Variants in ADCY8 observed in about 807,000 individuals in gnomAD.
ADCY8 encodes the protein adenylate cyclase type 8.
Under a neutral mutation model 119.7 loss-of-function variants are expected in ADCY8, and 51 were observed. That is an observed-to-expected ratio of 0.43 (90% CI 0.34 to 0.54). The LOEUF (loss-of-function observed/expected upper bound fraction) is 0.54, where lower values mean the gene tolerates loss of function less well. Among genes scored for constraint, ADCY8 ranks in the 20% least tolerant of loss-of-function variants. ADCY8 has a pLI of 0.03. For missense variants in ADCY8, 1,383 were observed against 1,598.8 expected (o/e 0.87, Z 2.30); for synonymous variants, 665 against 651.0 (o/e 1.02, Z -0.33).
intron 2 of ADCY8, among the ~76,000 whole-genome samples, chr8:130,956,060 G>A (rs958131001): frequency 2.6e-5 from 4 of 152,182 alleles, no homozygotes; most frequent in East Asian, 3.9e-4. Flanking sequence ...TGGGAGGATC[G>A]TTTGAACCAG....
intron 14 of ADCY8, among the ~76,000 whole-genome samples, chr8:130,806,137 A>T (rs1279285534): frequency 2.0e-5 from 3 of 151,996 alleles, no homozygotes; most frequent in Non-Finnish European, 4.4e-5. Flanking sequence ...TGGGCACATG[A>T]CTCTGGGCAA....
chr8:130,838,753 C>G (rs1817062180), intron 11 of ADCY8, among the ~76,000 whole-genome samples: 1 of 141,522 alleles, frequency 7.1e-6, no homozygotes, highest in African/African-American at 2.4e-5. Context: ...AGACATGGTG[C>G]TAGGCACTGG....
At chr8:130,962,712 T>A (rs1367737867) in intron 2 of ADCY8, among the ~76,000 whole-genome samples, 1 of 152,198 alleles carries the variant, frequency 6.6e-6, no homozygotes, top group Admixed American at 6.5e-5. Context: ...CAGACAGCAC[T>A]TTTGGGCTTA....
At chr8:130,847,631 T>C (rs1240178979) in intron 10 of ADCY8, 118 bp from the exon 11 acceptor site, 5 of 760,142 alleles carry the variant, frequency 6.6e-6, no homozygotes, top group Admixed American at 2.6e-5. Flanking sequence ...AGCACGAGCC[T>C]GGGTAGACTG....
At chr8:130,782,321 T>G (rs1254089965) in intron 17 of ADCY8, among the ~76,000 whole-genome samples, 1 of 152,204 alleles carries the variant, frequency 6.6e-6, no homozygotes, top group Non-Finnish European at 1.5e-5. Context: ...TCCCATTTGA[T>G]TCTCATATTA....
At chr8:130,838,745 A>T (rs1300279405) in intron 11 of ADCY8, among the ~76,000 whole-genome samples, 2 of 141,722 alleles carry the variant, frequency 1.4e-5, no homozygotes, top group Non-Finnish European at 3.2e-5. Context: ...TACAATCAAG[A>T]CATGGTGCTA....
chr8:130,814,105 C>T lies in ADCY8; in HGVS notation c.2877G>A (p.Val959=). The change falls in exon 14 of 18, where the codon GTG becomes GTA. Residue 959 remains valine (V), a synonymous_variant. Coordinates refer to ENST00000286355, the MANE Select transcript of ADCY8 (RefSeq NM_001115.3). The part of the protein sequence containing the change: ...NMLRNILPSH[V]ARHFLEKDRD... ...GGTCCTTCTCTAGGAAATGGCGGGCCACATGGCTGGGTAAGATATTCCGGA... is the reference window on the plus strand; with the variant it reads ...GGTCCTTCTCTAGGAAATGGCGGGCTACATGGCTGGGTAAGATATTCCGGA... 1 of 1,614,168 alleles carries T rather than the reference C, an allele frequency of 6.2e-7. No homozygotes were observed. Among genetic ancestry groups the T allele is most frequent in the Non-Finnish European group, 8.5e-7 (1 of 1,180,034 alleles).
chr8:131,006,410 G>A (rs781673861), intron 1 of ADCY8, among the ~76,000 whole-genome samples: 19 of 152,128 alleles, frequency 1.2e-4, no homozygotes, highest in Non-Finnish European at 2.5e-4. Flanking sequence ...TGTGGCTCAA[G>A]GGAAAAAATC....
intron 9 of ADCY8, among the ~76,000 whole-genome samples, chr8:130,867,376 T>A (rs1818164420): frequency 6.6e-6 from 1 of 152,288 alleles, no homozygotes; most frequent in South Asian, 2.1e-4. Flanking sequence ...GGCACCTACC[T>A]CATAAGGTTG....
rs1227644122 is a variant in ADCY8, at chr8:130,849,793, T to C, written c.2221A>G (p.Met741Val). Reference protein sequence around the residue: ...SLLPSSRVMPMTIQFSILIML... With the variant: ...SLLPSSRVMPVTIQFSILIML... ...ATCAGAATGGAGAACTGGATGGTCATTGGCATCACTCTGCAGGGAAACACA... is the reference window on the plus strand; with the variant it reads ...ATCAGAATGGAGAACTGGATGGTCACTGGCATCACTCTGCAGGGAAACACA... The change falls in exon 10 of 18, where the codon ATG becomes GTG. Residue 741 changes from methionine (M) to valine (V), a missense_variant. Physicochemically the swap from Met to Val is conservative, Grantham distance 21 (BLOSUM62 1). Coordinates refer to ENST00000286355, the MANE Select transcript of ADCY8 (RefSeq NM_001115.3). The C allele has an allele frequency of 6.2e-7, 1 of 1,612,530 alleles. No homozygotes were observed.
At chr8:130,825,198 C>A (rs1051892410) in intron 12 of ADCY8, among the ~76,000 whole-genome samples, 3 of 152,162 alleles carry the variant, frequency 2.0e-5, no homozygotes, top group South Asian at 2.1e-4. Flanking sequence ...TGGGAACACT[C>A]AAAATCCTCT....
intron 2 of ADCY8, among the ~76,000 whole-genome samples, chr8:130,971,800 T>A (rs7461026): frequency 6.6e-6 from 1 of 151,996 alleles, no homozygotes; most frequent in Non-Finnish European, 1.5e-5. Flanking sequence ...AGTGAAGCAA[T>A]GATGATATGA....
intron 1 of ADCY8, among the ~76,000 whole-genome samples, chr8:131,032,942 T>C (rs1464739128): frequency 6.6e-6 from 1 of 152,210 alleles, no homozygotes; most frequent in African/African-American, 2.4e-5. Context: ...GGTTCAAACC[T>C]ATGTATCACA....
chr8:130,997,127 G>A (rs967976626), intron 1 of ADCY8, among the ~76,000 whole-genome samples: 20 of 152,058 alleles, frequency 1.3e-4, no homozygotes, highest in African/African-American at 4.8e-4. Flanking sequence ...AATGACATTA[G>A]CAAATCTCTG....
intron 10 of ADCY8, among the ~76,000 whole-genome samples, chr8:130,848,871 G>A (rs998118704): frequency 2.0e-5 from 3 of 152,190 alleles, no homozygotes; most frequent in Admixed American, 6.5e-5. Context: ...AAATTAAACA[G>A]TGATAAATAT....
chr8:131,031,962 G>T (rs1019952971), intron 1 of ADCY8, among the ~76,000 whole-genome samples: 3 of 152,116 alleles, frequency 2.0e-5, no homozygotes, highest in African/African-American at 7.2e-5. Flanking sequence ...GCAATCTTGT[G>T]CATTCAGCGT....
intron 2 of ADCY8, among the ~76,000 whole-genome samples, chr8:130,967,614 T>A (rs957089585): frequency 1.3e-5 from 2 of 152,208 alleles, no homozygotes; most frequent in African/African-American, 2.4e-5. Flanking sequence ...ATGGTCTGCA[T>A]TACTCTATAG....
chr8:130,967,793 AC>A (rs769295069), intron 2 of ADCY8, among the ~76,000 whole-genome samples: 2 of 152,070 alleles, frequency 1.3e-5, no homozygotes, highest in African/African-American at 2.4e-5. Context: ...GAACTTTGGG[AC>A]AAAGCTCTTT....
chr8:130,920,137 C>T (rs1184319714), intron 5 of ADCY8, among the ~76,000 whole-genome samples: 1 of 112,760 alleles, frequency 8.9e-6, no homozygotes, highest in African/African-American at 3.4e-5. Flanking sequence ...AACGAGACTC[C>T]GTTTCTTAAA....
Sources: allele counts gnomAD v4.1 joint callset (sites outside exome capture counted in the v4.1 genomes callset), GRCh38; gene constraint gnomAD v4.1.1; transcripts MANE v1.5; gene names NCBI Gene and HGNC (gene_info 2026-07-23, HGNC 2026-07-21).